The following SF1 variants were observed in gnomAD, a reference collection of about 807,000 sequenced individuals.
SF1 encodes branch point-binding protein.
In SF1, 7 loss-of-function variants were observed where a neutral mutation model predicts 62.5. The ratio of observed to expected loss-of-function variants is 0.11; its 90% CI spans 0.06 to 0.21. SF1 has a LOEUF of 0.21. SF1 is among the 10% of genes least tolerant of loss of function. The pLI, the probability that SF1 is intolerant of heterozygous loss-of-function variation, is 1.00. For missense variants in SF1, 578 were observed against 884.0 expected, an observed-to-expected ratio of 0.65 and a Z score of 4.39; for synonymous variants, 394 against 323.6, an observed-to-expected ratio of 1.22 and a Z score of -2.33.
At chr11:64,778,196 G>C (rs1336460198) in intron 1 of SF1, 166 bp downstream of exon 1, 1 of 1,073,476 alleles carries the variant, frequency 9.3e-7, no homozygotes, top group Non-Finnish European at 1.2e-6. Flanking sequence ...AGGCAGCGCC[G>C]CGAAGGGGAA....
rs1937941381 is a variant in SF1 at position 64,769,454 on chromosome 11, A to G, written c.635T>C (p.Met212Thr). The change falls in exon 6 of 13, where the codon ATG becomes ACG. Residue 212 changes from methionine (M) to threonine (T), a missense_variant. Met to Thr is a moderately conservative substitution (Grantham distance 81). Transcript: ENST00000377390. ...PLHALVTANT[M>T]ENVKKAVEQI... Reference sequence around the variant, plus strand: ...TTCCACTGCCTTTTTGACGTTCTCCATTGTATTGGCAGTAACCAGGGCATG... The same window carrying G: ...TTCCACTGCCTTTTTGACGTTCTCCGTTGTATTGGCAGTAACCAGGGCATG... 1.2e-6 allele frequency: 2 copies of G among 1,613,972 alleles called. No individual in the cohort carries two copies. Among genetic ancestry groups the G allele is most frequent in the East Asian group, 2.2e-5 (1 of 44,898 alleles).
In SF1 at chr11:64,778,322, G is replaced by A; in HGVS notation, c.31+40C>T. On this transcript the variant is annotated intron_variant, in intron 1 of 12. Coordinates refer to ENST00000377390, the MANE Select transcript of SF1 (RefSeq NM_004630.4). ...AGGGCCCGGCTCGAAGCCTCCTTTGGGCCCGGGGAGCGGGGGCAGCCCGGG... is the reference window on the plus strand; with the variant it reads ...AGGGCCCGGCTCGAAGCCTCCTTTGAGCCCGGGGAGCGGGGGCAGCCCGGG... 5 of 1,224,054 alleles carry A rather than the reference G, an allele frequency of 4.1e-6. No homozygotes were observed. The South Asian group carries it at 1.6e-4, about 40-fold the overall frequency. 75.8% of individuals were successfully genotyped at this position (1,224,054 alleles called of 1,614,324 possible).
In SF1 at chr11:64,769,160, G is replaced by A. The variant is rs867205425; in HGVS notation, c.780-31C>T. 4.4e-6 allele frequency: 7 copies of A among 1,608,702 alleles called. No individual in the cohort carries two copies. In the Middle Eastern group the frequency reaches 5.0e-4, roughly 114 times the overall value. The stretch of plus-strand genomic sequence containing the variant: ...AAAGGAAAAAGAGGTCAATGCAAGG[G>A]AACAATCTCTACTTCCATAGGTTCT... On this transcript the variant is annotated intron_variant, in intron 7 of 12. Coordinates refer to ENST00000377390, the MANE Select transcript of SF1 (RefSeq NM_004630.4).
intron 12 of SF1, 34 bp from the exon 13 acceptor site, chr11:64,766,189 C>T (rs765964664): frequency 3.8e-6 from 6 of 1,577,414 alleles, no homozygotes; most frequent in South Asian, 2.2e-5. Context: ...GTCACACGCG[C>T]GGGGGCACAC....
chr11:64,776,348 G>A lies in SF1; in HGVS notation c.160+150C>T, dbSNP rs565723991. On this transcript the variant is annotated intron_variant, in intron 2 of 12. Coordinates refer to ENST00000377390, the MANE Select transcript of SF1 (RefSeq NM_004630.4). Reference sequence around the variant, plus strand: ...AGGAGCTGCAAATGCAGAACTCACTGGGCAAAAACTGACAGATGATACCAA... The same window carrying A: ...AGGAGCTGCAAATGCAGAACTCACTAGGCAAAAACTGACAGATGATACCAA... The A allele has an allele frequency of 9.6e-5, 77 of 801,696 alleles. No individual in the cohort carries two copies. The East Asian group carries it at 1.9e-3, about 20-fold the overall frequency. 49.7% of individuals were successfully genotyped at this position (801,696 alleles called of 1,614,324 possible).
chr11:64,775,168 G>A (rs923421792), intron 2 of SF1, among the ~76,000 whole-genome samples: 1 of 152,116 alleles, frequency 6.6e-6, no homozygotes, highest in Non-Finnish European at 1.5e-5. Context: ...TGACTATGGA[G>A]ATGTGGGGCC....
intron 10 of SF1, 44 bp downstream of exon 10, chr11:64,767,527 C>T: frequency 6.6e-7 from 1 of 1,515,950 alleles, no homozygotes; most frequent in Non-Finnish European, 8.8e-7. Context: ...TAACCCCTTG[C>T]TTATCCCAAA....
chr11:64,771,660 T>C (rs748159817), intron 3 of SF1: 102 of 985,218 alleles, frequency 1.0e-4, no homozygotes, highest in Non-Finnish European at 1.2e-4. Flanking sequence ...GTTAGCACAA[T>C]CCATTAAGAG....
In SF1 at chr11:64,778,518, C is replaced by CGGG; in HGVS notation, c.-129_-127dup. On this transcript the variant is annotated 5_prime_UTR_variant, in exon 1 of 13. Coordinates refer to ENST00000377390, the MANE Select transcript of SF1 (RefSeq NM_004630.4). Reference sequence around the variant, plus strand: ...GCGCGGAGCCCGTCCTCTCACGCGGCGGGCGGCGGCGGCGCGAGACGCACA... The same window carrying CGGG: ...GCGCGGAGCCCGTCCTCTCACGCGGCGGGGGGCGGCGGCGGCGCGAGACGCACA... 1 of 1,116,908 alleles carries CGGG rather than the reference C, an allele frequency of 9.0e-7. No individual in the cohort carries two copies. The highest frequency in any genetic ancestry group is 1.1e-6 in the Non-Finnish European group (1 of 917,320). The allele number at this position is 1,116,908 out of a possible 1,614,324, so 69.2% of individuals were successfully genotyped here.
chr11:64,769,528 C>T lies in SF1; in HGVS notation c.561G>A (p.Lys187=). ...IRGKGSVKEG[K]VGRKDGQMLP... is the part of the protein sequence containing the mutation. ...ACATCTGGCCATCTTTGCGCCCAAC[C>T]TTCCCTTCTTTCACAGACCCTTTCC... Residue 187 remains lysine, a synonymous_variant, in exon 6 of 13, where the codon AAG becomes AAA. Transcript: ENST00000377390. The T allele has an allele frequency of 6.2e-7, 1 of 1,614,202 alleles. No individual in the cohort carries two copies. The highest frequency in any genetic ancestry group is 8.5e-7 in the Non-Finnish European group (1 of 1,180,030).
At chr11:64,771,364 A>G (rs1321584537) in intron 3 of SF1, 1 of 723,582 alleles carries the variant, frequency 1.4e-6, no homozygotes, top group South Asian at 6.2e-5. Flanking sequence ...CCATAGCTTG[A>G]TATTCTGAAT....
chr11:64,769,644 C>T (rs781102346), intron 5 of SF1, 35 bp from the exon 6 acceptor site: 110 of 1,571,812 alleles, frequency 7.0e-5, no homozygotes, highest in South Asian at 6.6e-4. Context: ...TTATACCTGA[C>T]AAATTCACAC....
chr11:64,776,490 A>G lies in SF1; in HGVS notation c.160+8T>C, dbSNP rs993966003. 17 of 1,564,834 alleles carry G rather than the reference A, an allele frequency of 1.1e-5. No homozygotes were observed. Among genetic ancestry groups the G allele is most frequent in the East Asian group, 4.6e-5 (2 of 43,192 alleles). ...CAAAGTGCATTTGGATGCAGAACGTATATTTACCTATATAAGCTCTTTCTT... is the reference window on the plus strand; with the variant it reads ...CAAAGTGCATTTGGATGCAGAACGTGTATTTACCTATATAAGCTCTTTCTT... On this transcript the variant is annotated splice_region_variant and intron_variant, in intron 2 of 12. Transcript: ENST00000377390.
intron 9 of SF1, 121 bp downstream of exon 9, chr11:64,767,967 AACTGGCCTGAGATCCCGG>A: frequency 6.8e-7 from 1 of 1,462,384 alleles, no homozygotes; most frequent in Non-Finnish European, 9.2e-7. Flanking sequence ...GAAGTCCCCA[AACTGGCCTGAGATCCCGG>A]AAGAACAATG....
In SF1 at chr11:64,765,980, CGGCGGAGGG is replaced by C. The variant is rs2058630747; in HGVS notation, c.1749_1757del (p.Pro588_Pro590del). The C allele has an allele frequency of 4.0e-6, 5 of 1,265,638 alleles. No individual in the cohort carries two copies. The highest frequency in any genetic ancestry group is 4.0e-5 in the East Asian group (1 of 24,842). 78.4% of individuals were successfully genotyped at this position (1,265,638 alleles called of 1,614,324 possible). A position where few individuals can be genotyped will look rare whatever the true frequency, so the allele number is the denominator to read the frequency against. Reference sequence around the variant, plus strand: ...TGCCGGCGGAACCAGGCGGTGGAGGCGGCGGAGGGGGAGGGGCCCCAGGCGGCAGAGGCG... The same window carrying C: ...TGCCGGCGGAACCAGGCGGTGGAGGCGGAGGGGCCCCAGGCGGCAGAGGCG... On this transcript the variant is annotated inframe_deletion, in exon 13 of 13. Coordinates refer to ENST00000377390, the MANE Select transcript of SF1 (RefSeq NM_004630.4).
Position 64,765,110 on chromosome 11 carries a change from TG to T in SF1, c.*707del, listed in dbSNP as rs2058551695. The T allele has an allele frequency of 9.4e-6, 2 of 213,090 alleles. No homozygotes were observed. Among genetic ancestry groups the T allele is most frequent in the East Asian group, 1.0e-4 (1 of 9,846 alleles). The allele number at this position is 213,090 out of a possible 1,614,324, so 13.2% of individuals were successfully genotyped here. ...ACCCCACGCTTTAAACAAACATCTT[TG>T]GGGGTGGCTATGGCACCTTGAAAAA... On this transcript the variant is annotated 3_prime_UTR_variant, in exon 13 of 13. Coordinates refer to ENST00000377390, the MANE Select transcript of SF1 (RefSeq NM_004630.4).
intron 3 of SF1, chr11:64,772,801 A>T: frequency 1.0e-6 from 1 of 985,282 alleles, no homozygotes; most frequent in Non-Finnish European, 1.2e-6. Context: ...GCTCCCTTTA[A>T]GGAAAAAAAA....
chr11:64,768,014 G>C, intron 9 of SF1, 92 bp downstream of exon 9: 1 of 1,480,404 alleles, frequency 6.8e-7, no homozygotes, highest in Non-Finnish European at 9.1e-7. Flanking sequence ...CACATCCATT[G>C]TCTGCTCTAC....
intron 2 of SF1, among the ~76,000 whole-genome samples, chr11:64,774,293 G>A (rs560764669): frequency 6.6e-6 from 1 of 152,328 alleles, no homozygotes; most frequent in South Asian, 2.1e-4. Context: ...CAAGGACAAT[G>A]TACTTGGCCC....
Sources: gnomAD v4.1 joint callset for allele counts (sites outside exome capture counted in the v4.1 genomes callset) on GRCh38, gnomAD v4.1.1 for gene constraint, MANE v1.5 for transcripts, NCBI Gene and HGNC (gene_info 2026-07-23, HGNC 2026-07-21) for gene names.